The following ABCB9 variants were observed in gnomAD, a reference collection of about 807,000 sequenced individuals.
ABCB9 encodes ABC-type oligopeptide transporter ABCB9.
ABCB9 carries 36 observed loss-of-function variants against 62.0 expected under a neutral mutation model. The observed-to-expected ratio is 0.58, with a 90% CI of 0.45 to 0.77. The LOEUF (loss-of-function observed/expected upper bound fraction) is 0.77. Ranked by LOEUF, ABCB9 falls within the 30% of genes least tolerant of loss-of-function variation. The pLI is 0.00. For missense variants in ABCB9, 943 were observed against 1,054.7 expected (o/e 0.89, Z 1.47); for synonymous variants, 435 against 461.4 (o/e 0.94, Z 0.73).
At position 122,960,193 on chromosome 12, in the gene ABCB9, T is replaced by C; in HGVS notation, c.43A>G (p.Ser15Gly). The change falls in exon 2 of 12, where the codon AGT becomes GGT. Residue 15 changes from serine (S) to glycine (G), a missense_variant. Transcript: ENST00000280560. ...GCCGTGGTCACGCAGATGTCCACAC[T>C]CATGAAGGCCAAAGTCACCACCACC... ...KAVVVTLAFM[S>G]VDICVTTAIY... 1 of 1,613,362 alleles carries C rather than the reference T, an allele frequency of 6.2e-7. No individual in the cohort carries two copies.
intron 11 of ABCB9, among the ~76,000 whole-genome samples, chr12:122,921,631 G>C (rs1319880173): frequency 1.3e-5 from 2 of 152,016 alleles, no homozygotes; most frequent in Non-Finnish European, 2.9e-5. Flanking sequence ...ACAAAAATCA[G>C]CTGGGTGTGG....
chr12:122,934,911 A>G (rs934846628), intron 10 of ABCB9, among the ~76,000 whole-genome samples: 2 of 151,380 alleles, frequency 1.3e-5, no homozygotes, highest in Non-Finnish European at 2.9e-5. Context: ...ATACTGCTAT[A>G]TGGAGAGCTG....
chr12:122,964,538 G>A lies in ABCB9; in HGVS notation c.-88+1749C>T, dbSNP rs936366235. On this transcript the variant is annotated intron_variant, in intron 1 of 11. Transcript: ENST00000280560. This position sits in a 1 kb window ranked among gnomAD's most constrained non-coding sequence, Gnocchi z 4.7. ...TCCTAGCAGAGTGGACTCCAGCCCC[G>A]GGTCGGGTTACAGTCCTCGGTGGGG... Among the ~76,000 whole-genome samples the A allele has an allele frequency of 6.6e-6, 1 of 152,216 alleles. No homozygotes were observed. The highest frequency in any genetic ancestry group is 2.4e-5 in the African/African-American group (1 of 41,460).
In ABCB9 at chr12:122,932,435, C is replaced by T; in HGVS notation, c.1904-107G>A. 2 of 1,395,790 alleles carry T rather than the reference C, an allele frequency of 1.4e-6. No individual in the cohort carries two copies. The highest frequency in any genetic ancestry group is 1.9e-6 in the Non-Finnish European group (2 of 1,054,740). 86.5% of individuals were successfully genotyped at this position (1,395,790 alleles called of 1,614,324 possible). ...AGCTGTGGAAAGGGCGGGCTGGAAC[C>T]CACAACTTGAAAGCTCATGAAATGA... On this transcript the variant is annotated intron_variant, in intron 10 of 11. Transcript: ENST00000280560. This position sits in a 1 kb window ranked among gnomAD's most constrained non-coding sequence, Gnocchi z 4.7.
chr12:122,950,866 A>G (rs994907936), intron 2 of ABCB9: 5 of 326,636 alleles, frequency 1.5e-5, no homozygotes, highest in Admixed American at 1.2e-4. Context: ...GTTTTTTGAG[A>G]CAGGGTCTCG....
chr12:122,929,966 G>A lies in ABCB9; in HGVS notation c.2246C>T (p.Ala749Val), dbSNP rs939043612. 1.0e-5 allele frequency: 16 copies of A among 1,579,484 alleles called. No individual in the cohort carries two copies. The highest frequency in any genetic ancestry group is 1.4e-5 in the Non-Finnish European group (16 of 1,165,760). The change falls in exon 12 of 12, where the codon GCA (alanine) becomes GTA (valine). Residue 749 changes from alanine (A) to valine (V), a missense_variant. Physicochemically the swap from Ala to Val is moderately conservative, Grantham distance 64. Transcript: ENST00000280560. The surrounding 1 kb of genome is among the most constrained non-coding windows in gnomAD (Gnocchi z 6.0). ...QRQMLGLQPA[A>V]DFTAGHNEPV... is the part of the protein sequence containing the mutation. ...CTCGTTGTGGCCAGCTGTGAAGTCT[G>A]CGGCGGGCTGAAGCCCCAGCATCTG...
chr12:122,924,841 T>A, downstream of ABCB9: 1 of 1,533,654 alleles, frequency 6.5e-7, no homozygotes, highest in South Asian at 1.2e-5. Context: ...ACAGTGACAT[T>A]TGCTAAATTA....
chr12:122,932,453 T>C lies in ABCB9; in HGVS notation c.1904-125A>G. On this transcript the variant is annotated intron_variant, in intron 10 of 11. Transcript: ENST00000280560. The surrounding 1 kb of genome is among the most constrained non-coding windows in gnomAD (Gnocchi z 4.7). ...CTGGAACCCACAACTTGAAAGCTCA[T>C]GAAATGATGTTCCCCCCACCCAACT... 2 of 1,275,974 alleles carry C rather than the reference T, an allele frequency of 1.6e-6. No homozygotes were observed. Among genetic ancestry groups the C allele is most frequent in the Non-Finnish European group, 2.1e-6 (2 of 951,282 alleles). The allele number at this position is 1,275,974 out of a possible 1,614,324, so 79.0% of individuals were successfully genotyped here. A position where few individuals can be genotyped will look rare whatever the true frequency, so the allele number is the denominator to read the frequency against.
Position 122,944,650 on chromosome 12 carries a change from G to C in ABCB9, c.1252-131C>G. The C allele has an allele frequency of 1.5e-6, 2 of 1,317,580 alleles. No homozygotes were observed. Among genetic ancestry groups the C allele is most frequent in the Non-Finnish European group, 2.1e-6 (2 of 971,832 alleles). The allele number at this position is 1,317,580 out of a possible 1,614,324, so 81.6% of individuals were successfully genotyped here. ...GCCACAAACTGAAATGCCGGCCGTTGGCAGGGGTGTCTTCCAAGGCTTGTC... is the reference window on the plus strand; with the variant it reads ...GCCACAAACTGAAATGCCGGCCGTTCGCAGGGGTGTCTTCCAAGGCTTGTC... On this transcript the variant is annotated intron_variant, in intron 6 of 11. Coordinates refer to ENST00000280560, the MANE Select transcript of ABCB9 (RefSeq NM_019625.4). The surrounding 1 kb of genome is among the most constrained non-coding windows in gnomAD (Gnocchi z 4.9).
intron 2 of ABCB9, chr12:122,952,847 C>G (rs531786054): frequency 6.6e-6 from 1 of 152,422 alleles, no homozygotes; most frequent in South Asian, 2.1e-4. Context: ...TGCCCCAACC[C>G]TGGTCCAAGT....
At chr12:122,967,918 T>C (rs1448588135), upstream of ABCB9, among the ~76,000 whole-genome samples, 1 of 152,172 alleles carries the variant, frequency 6.6e-6, no homozygotes, top group African/African-American at 2.4e-5. Flanking sequence ...CAGAAGGAAT[T>C]TCCTCTACAG....
chr12:122,923,416 A>G (rs558220991), intron 11 of ABCB9, among the ~76,000 whole-genome samples: 4 of 152,286 alleles, frequency 2.6e-5, no homozygotes, highest in East Asian at 3.9e-4. Context: ...CCTCCCGAGT[A>G]GCTGGGACTA....
chr12:122,930,152 C>A lies in ABCB9; in HGVS notation c.2060G>T (p.Gly687Val). Residue 687 changes from glycine (G) to valine (V), a missense_variant, in exon 12 of 12, where the codon GGC becomes GTC. Gly to Val is a moderately radical substitution (Grantham distance 109). Coordinates refer to ENST00000280560, the MANE Select transcript of ABCB9 (RefSeq NM_019625.4). The surrounding 1 kb of genome is among the most constrained non-coding windows in gnomAD (Gnocchi z 4.9). The stretch of plus-strand genomic sequence containing the variant: ...GAGTACCGTGTGCTTCTGCAGGTTG[C>A]CATGGATGGCCTGCTGGATCTGCGG... ...SEYLIQQAIH[G>V]NLQKHTVLII... The A allele has an allele frequency of 3.9e-6, 6 of 1,549,000 alleles. No individual in the cohort carries two copies. Among genetic ancestry groups the A allele is most frequent in the African/African-American group, 1.4e-5 (1 of 73,212 alleles).
At chr12:122,950,700 T>TA (rs1193415062) in intron 2 of ABCB9, 135 bp from the exon 3 acceptor site, 2 of 714,620 alleles carry the variant, frequency 2.8e-6, no homozygotes, top group African/African-American at 3.5e-5. Context: ...GGCAAACTCT[T>TA]GCTGCCCATC....
chr12:122,950,593 C>A (rs141885638), intron 2 of ABCB9, 28 bp from the exon 3 acceptor site: 3 of 1,580,626 alleles, frequency 1.9e-6, no homozygotes, highest in South Asian at 1.1e-5. Context: ...GCCTCAGGGA[C>A]GTCTGCAGCC....
downstream of ABCB9, among the ~76,000 whole-genome samples, chr12:122,928,419 A>G (rs1392464738): frequency 6.6e-6 from 1 of 151,714 alleles, no homozygotes. Context: ...TAGTAAGCCA[A>G]GATTGTGCCA....
chr12:122,971,928 C>G (rs1180577668), intron 1 of ABCB9, among the ~76,000 whole-genome samples: 3 of 150,806 alleles, frequency 2.0e-5, no homozygotes, highest in Non-Finnish European at 4.4e-5. Flanking sequence ...GAGCCTAAAA[C>G]TGATCTTAAA....
intron 1 of ABCB9, among the ~76,000 whole-genome samples, chr12:122,963,475 C>G (rs1305046601): frequency 1.3e-5 from 2 of 152,150 alleles, no homozygotes; most frequent in African/African-American, 4.8e-5. Flanking sequence ...TAGGTCCTAT[C>G]ATTATCCCCA....
At chr12:122,943,173 G>A (rs930209423) in intron 7 of ABCB9, among the ~76,000 whole-genome samples, 2 of 152,122 alleles carry the variant, frequency 1.3e-5, no homozygotes, top group African/African-American at 4.8e-5. Context: ...GCCCTCAGAT[G>A]GGATGACTCT....
Sources: gnomAD v4.1 joint callset for allele counts (sites outside exome capture counted in the v4.1 genomes callset) on GRCh38, gnomAD v4.1.1 for gene constraint, Gnocchi (gnomAD v3.1) non-coding constraint, MANE v1.5 for transcripts, NCBI Gene and HGNC (gene_info 2026-07-23, HGNC 2026-07-21) for gene names.